The following PATJ variants were observed in gnomAD, a reference collection of about 807,000 sequenced individuals.
PATJ encodes the protein PATJ crumbs cell polarity complex component.
In PATJ, 190 loss-of-function variants were observed where a neutral mutation model predicts 224.9. That is an observed-to-expected ratio of 0.84 (90% confidence interval 0.75 to 0.95). The LOEUF (loss-of-function observed/expected upper bound fraction) is 0.95. Ranked by LOEUF, PATJ falls within the 40% of genes least tolerant of loss-of-function variation. The pLI is 0.00. For synonymous variants in PATJ, 769 were observed against 820.3 expected (o/e 0.94, Z 1.07); for missense variants, 2,121 against 2,270.3 (o/e 0.93, Z 1.34).
rs952564087 is a variant in PATJ, at chr1:61,861,602, G to A, written c.2374G>A (p.Asp792Asn). 6.7e-7 allele frequency: 1 copy of A among 1,499,736 alleles called. No homozygotes were observed. The allele number at this position is 1,499,736 out of a possible 1,614,324, so 92.9% of individuals were successfully genotyped here. The stretch of plus-strand genomic sequence containing the variant: ...TATTTTACATTCAAGCAGTAATGAA[G>A]ACAAGACTGAATTTTCAGGAACAAT... Reference protein sequence around the residue: ...CYILHSSSNEDKTEFSGTIHD... With the variant: ...CYILHSSSNENKTEFSGTIHD... The change falls in exon 19 of 44, where the codon GAC becomes AAC. Residue 792 changes from aspartate (D) to asparagine (N), a missense_variant. By Grantham distance (23) the Asp-to-Asn change is conservative. Transcript: ENST00000642238.
intron 14 of PATJ, among the ~76,000 whole-genome samples, chr1:61,818,704 G>A (rs1256278891): frequency 1.3e-5 from 2 of 152,160 alleles, no homozygotes; most frequent in East Asian, 3.9e-4. Flanking sequence ...AGCATGTTTT[G>A]TTCACCATTT....
chr1:61,939,748 C>T (rs1290424107), intron 27 of PATJ, among the ~76,000 whole-genome samples: 1 of 115,970 alleles, frequency 8.6e-6, no homozygotes, highest in African/African-American at 3.5e-5. Flanking sequence ...GATCTCGGCT[C>T]ACTGCAACCT....
intron 33 of PATJ, among the ~76,000 whole-genome samples, chr1:62,099,796 T>C (rs553826539): frequency 5.1e-4 from 78 of 152,326 alleles, no homozygotes; most frequent in African/African-American, 1.7e-3. Context: ...AGGGTACTTA[T>C]TGATATCCTT....
At chr1:61,816,018 G>A (rs554680834) in intron 14 of PATJ, among the ~76,000 whole-genome samples, 2 of 152,100 alleles carry the variant, frequency 1.3e-5, no homozygotes, top group Non-Finnish European at 2.9e-5. Context: ...CAGTAATATC[G>A]CTTGTGTGGG....
intron 17 of PATJ, among the ~76,000 whole-genome samples, chr1:61,851,239 G>C (rs1662759962): frequency 6.6e-6 from 1 of 152,158 alleles, no homozygotes; most frequent in South Asian, 2.1e-4. Flanking sequence ...AGGTCAAATA[G>C]TAAAGGAAAT....
intron 17 of PATJ, among the ~76,000 whole-genome samples, chr1:61,837,657 G>A (rs1250746647): frequency 6.6e-6 from 1 of 152,016 alleles, no homozygotes; most frequent in Non-Finnish European, 1.5e-5. Context: ...AGGCGTGGTG[G>A]TGCATGCCTG....
chr1:62,041,909 C>G (rs1054209033), intron 30 of PATJ, among the ~76,000 whole-genome samples: 1 of 152,036 alleles, frequency 6.6e-6, no homozygotes, highest in Non-Finnish European at 1.5e-5. Flanking sequence ...ATGGCGTGAA[C>G]CCGGGAGGCG....
At chr1:62,119,967 G>T (rs1664864082) in intron 37 of PATJ, among the ~76,000 whole-genome samples, 2 of 152,050 alleles carry the variant, frequency 1.3e-5, no homozygotes, top group African/African-American at 4.8e-5. Flanking sequence ...TGCAATAAAG[G>T]TCTTGGCAAA....
intron 27 of PATJ, among the ~76,000 whole-genome samples, chr1:61,983,339 T>C (rs1394775832): frequency 7.0e-6 from 1 of 142,100 alleles, no homozygotes; most frequent in Non-Finnish European, 1.6e-5. Context: ...TTCTGTTTTA[T>C]GAGGCACTGA....
intron 33 of PATJ, among the ~76,000 whole-genome samples, chr1:62,103,758 CAAAAAA>C (rs751774297): frequency 2.8e-5 from 3 of 108,704 alleles, no homozygotes; most frequent in Non-Finnish European, 6.0e-5. Context: ...TGTCTCAACC[CAAAAAA>C]AAAAAAAAAG....
At chr1:62,128,724 G>A (rs892976828) in intron 40 of PATJ, 117 bp from the exon 41 acceptor site, 15 of 759,856 alleles carry the variant, frequency 2.0e-5, no homozygotes, top group South Asian at 1.1e-4. Context: ...CGGTAGTAAC[G>A]CAGAATCCTC....
chr1:61,874,566 C>T (rs1667100411), intron 20 of PATJ, among the ~76,000 whole-genome samples: 2 of 152,158 alleles, frequency 1.3e-5, no homozygotes, highest in African/African-American at 4.8e-5. Context: ...ACTCTATCAC[C>T]CCACAAAAGT....
chr1:61,823,117 C>T (rs2148724729), intron 15 of PATJ, 38 bp downstream of exon 15: 1 of 1,610,238 alleles, frequency 6.2e-7, no homozygotes, highest in Non-Finnish European at 8.5e-7. Context: ...AGGCAAGAAT[C>T]TGTAAGTTTT....
intron 33 of PATJ, among the ~76,000 whole-genome samples, chr1:62,091,612 A>G (rs1660739463): frequency 1.3e-5 from 2 of 152,214 alleles, no homozygotes; most frequent in Admixed American, 1.3e-4. Flanking sequence ...GTTTTTCAAC[A>G]TCAAACTTTA....
chr1:61,755,196 C>T (rs552848344), intron 1 of PATJ, among the ~76,000 whole-genome samples: 1 of 150,774 alleles, frequency 6.6e-6, no homozygotes, highest in African/African-American at 2.4e-5. Flanking sequence ...GTAGTCCCAG[C>T]TACTCGGGAG....
At position 61,988,955 on chromosome 1, in the gene PATJ, G is replaced by A. The variant is rs138653825; in HGVS notation, c.3671-1213G>A. Among the ~76,000 whole-genome samples the A allele has an allele frequency of 5.6e-3, 848 of 152,226 alleles. 4 individuals are homozygous for A. Among genetic ancestry groups the A allele is most frequent in the Middle Eastern group, 0.014 (4 of 294 alleles). On this transcript the variant is annotated intron_variant, in intron 27 of 43. Transcript: ENST00000642238. ...GGGTTCCAAGAGGGTCACAATCTAC[G>A]AATTTGTTATTTAAAAGCTGATGAG...
At chr1:62,016,011 G>A (rs1446423926) in intron 28 of PATJ, among the ~76,000 whole-genome samples, 2 of 152,084 alleles carry the variant, frequency 1.3e-5, no homozygotes, top group East Asian at 3.9e-4. Flanking sequence ...GGCTGGTCTC[G>A]AACTCCTGAC....
chr1:61,915,571 A>G (rs1252070960), intron 26 of PATJ, among the ~76,000 whole-genome samples: 2 of 152,110 alleles, frequency 1.3e-5, no homozygotes, highest in East Asian at 1.9e-4. Flanking sequence ...TGTTGAATCT[A>G]TAGATTAACT....
intron 28 of PATJ, chr1:62,013,448 A>G (rs1646571699): frequency 1.0e-6 from 1 of 985,368 alleles, no homozygotes; most frequent in African/African-American, 1.7e-5. Flanking sequence ...GAGGGCCACT[A>G]TGCACAAGCT....
Sources: gnomAD v4.1 joint callset for allele counts (sites outside exome capture counted in the v4.1 genomes callset) on GRCh38, gnomAD v4.1.1 for gene constraint, MANE v1.5 for transcripts, NCBI Gene and HGNC (gene_info 2026-07-23, HGNC 2026-07-21) for gene names.